Variants in WDR27 observed in about 807,000 individuals in gnomAD.
WDR27 encodes WD repeat-containing protein 27.
Under a neutral mutation model 114.4 loss-of-function variants are expected in WDR27, and 100 were observed. The observed-to-expected ratio is 0.87, with a 90% CI of 0.74 to 1.03. The LOEUF is 1.03. WDR27 is among the 50% of genes least tolerant of loss of function. The pLI is 0.00. For synonymous variants in WDR27, 449 were observed against 423.1 expected (o/e 1.06, Z -0.75); for missense variants, 1,129 against 1,092.9 (o/e 1.03, Z -0.47).
intron 22 of WDR27, among the ~76,000 whole-genome samples, chr6:169,612,873 C>T (rs1433304785): frequency 6.6e-6 from 1 of 152,142 alleles, no homozygotes; most frequent in Non-Finnish European, 1.5e-5. Context: ...AACATGATTG[C>T]TCATACAGAT....
intron 2 of WDR27, among the ~76,000 whole-genome samples, chr6:169,679,901 T>C (rs932929099): frequency 5.3e-5 from 8 of 152,090 alleles, no homozygotes; most frequent in African/African-American, 1.9e-4. Flanking sequence ...ATTGGTAACA[T>C]AGGAAGTTTT....
At chr6:169,453,085 C>G (rs1784221153), downstream of WDR27, among the ~76,000 whole-genome samples, 1 of 152,210 alleles carries the variant, frequency 6.6e-6, no homozygotes, top group African/African-American at 2.4e-5. Flanking sequence ...GAACAGTACC[C>G]AGCACACTTG....
chr6:169,463,036 T>C (rs1196398407), intron 25 of WDR27, among the ~76,000 whole-genome samples: 2 of 152,188 alleles, frequency 1.3e-5, no homozygotes, highest in Non-Finnish European at 2.9e-5. Flanking sequence ...GGGTAACTTA[T>C]AAACAAGCAA....
At position 169,672,315 on chromosome 6, in the gene WDR27, C is replaced by T. The variant is rs1200092713; in HGVS notation, c.271G>A (p.Ala91Thr). The part of the protein sequence containing the change: ...NKVNPLLICS[A>T]SLDYVIMWNL... ...CACATTATAACATAATCCAGTGATG[C>T]TGAGCAGATTAGAAGTGGGTTCACT... The change falls in exon 3 of 26, where the codon GCA becomes ACA. Residue 91 changes from alanine (A) to threonine (T), a missense_variant. Ala to Thr is a moderately conservative substitution (Grantham distance 58). Coordinates refer to ENST00000448612, the MANE Select transcript of WDR27 (RefSeq NM_182552.5). The T allele has an allele frequency of 1.2e-6, 2 of 1,613,620 alleles. No individual in the cohort carries two copies. The highest frequency in any genetic ancestry group is 1.6e-4 in the Middle Eastern group (1 of 6,082).
intron 25 of WDR27, among the ~76,000 whole-genome samples, chr6:169,543,136 G>A (rs948595564): frequency 6.6e-6 from 1 of 151,488 alleles, no homozygotes; most frequent in African/African-American, 2.4e-5. Flanking sequence ...ATTTAATCTG[G>A]GTAAAATATA....
intron 2 of WDR27, 93 bp from the exon 3 acceptor site, chr6:169,672,489 G>A (rs1224494286): frequency 2.4e-6 from 3 of 1,273,626 alleles, no homozygotes; most frequent in Non-Finnish European, 3.1e-6. Flanking sequence ...TTAAAAGATT[G>A]AGTTTTTCAA....
At chr6:169,626,178 C>T (rs777166256) in intron 21 of WDR27, among the ~76,000 whole-genome samples, 8 of 152,158 alleles carry the variant, frequency 5.3e-5, no homozygotes, top group Non-Finnish European at 1.0e-4. Flanking sequence ...GACAAGCCCG[C>T]GGGGACAGCT....
At position 169,658,243 on chromosome 6, in the gene WDR27, G is replaced by C. The variant is rs1178931845; in HGVS notation, c.1402+33C>G. 4.5e-6 allele frequency: 7 copies of C among 1,546,556 alleles called. No individual in the cohort carries two copies. The East Asian group carries it at 1.2e-4, about 26-fold the overall frequency. ...ACCACAATGAGAACGCATCAGCCTT[G>C]TATTCTTAGATCTCACAGCACCCTG... On this transcript the variant is annotated intron_variant, in intron 13 of 25. Transcript: ENST00000448612.
chr6:169,654,347 A>G (rs1172101111), intron 13 of WDR27, among the ~76,000 whole-genome samples: 1 of 152,246 alleles, frequency 6.6e-6, no homozygotes, highest in African/African-American at 2.4e-5. Flanking sequence ...AAACTCAGAA[A>G]GTTCCTGAGA....
At chr6:169,607,442 C>A (rs1287525701) in intron 22 of WDR27, among the ~76,000 whole-genome samples, 1 of 149,650 alleles carries the variant, frequency 6.7e-6, no homozygotes, top group Non-Finnish European at 1.5e-5. Context: ...TAATATTATT[C>A]AGCCATGAAA....
At chr6:169,691,240 T>C (rs1020910223) in intron 1 of WDR27, among the ~76,000 whole-genome samples, 1 of 152,070 alleles carries the variant, frequency 6.6e-6, no homozygotes, top group Non-Finnish European at 1.5e-5. Context: ...AATTAAATTT[T>C]AAAAAAACGT....
At chr6:169,583,993 T>C (rs1804073470) in intron 23 of WDR27, among the ~76,000 whole-genome samples, 1 of 152,188 alleles carries the variant, frequency 6.6e-6, no homozygotes. Context: ...GCACTCATGT[T>C]GCACGTTAGA....
chr6:169,517,539 A>G (rs1464023829), intron 25 of WDR27, among the ~76,000 whole-genome samples: 1 of 152,236 alleles, frequency 6.6e-6, no homozygotes, highest in East Asian at 1.9e-4. Flanking sequence ...CAACAAAAAT[A>G]CATTTATGCT....
intron 21 of WDR27, among the ~76,000 whole-genome samples, chr6:169,623,051 T>C (rs1813753280): frequency 1.3e-5 from 2 of 151,966 alleles, no homozygotes; most frequent in Non-Finnish European, 2.9e-5. Context: ...TCTGACCACC[T>C]CCCCCACCCC....
At chr6:169,633,145 T>C in intron 20 of WDR27, 77 bp from the exon 21 acceptor site, 1 of 1,409,250 alleles carries the variant, frequency 7.1e-7, no homozygotes, top group East Asian at 2.5e-5. Context: ...CTTTTACTAA[T>C]AAAAACTTTG....
intron 25 of WDR27, among the ~76,000 whole-genome samples, chr6:169,538,958 A>C (rs915422784): frequency 6.6e-6 from 1 of 152,172 alleles, no homozygotes; most frequent in Non-Finnish European, 1.5e-5. Flanking sequence ...TTAATTAAGG[A>C]AACATAGCTC....
intron 17 of WDR27, among the ~76,000 whole-genome samples, chr6:169,642,456 A>T: frequency 6.6e-6 from 1 of 152,206 alleles, no homozygotes; most frequent in Non-Finnish European, 1.5e-5. Context: ...TCAACTATTC[A>T]GCCACGAAAG....
intron 25 of WDR27, among the ~76,000 whole-genome samples, chr6:169,542,860 AAAGT>A (rs1256750884): frequency 6.6e-6 from 1 of 152,098 alleles, no homozygotes; most frequent in Non-Finnish European, 1.5e-5. Flanking sequence ...TATTTTAAAT[AAAGT>A]AATTTAATTT....
intron 3 of WDR27, 36 bp from the exon 4 acceptor site, chr6:169,670,729 A>C (rs545068900): frequency 6.2e-7 from 1 of 1,611,940 alleles, no homozygotes; most frequent in African/African-American, 1.3e-5. Flanking sequence ...CAGTTTACCA[A>C]ATGCATTCAG....
Sources: gnomAD v4.1 joint callset for allele counts (sites outside exome capture counted in the v4.1 genomes callset) on GRCh38, gnomAD v4.1.1 for gene constraint, MANE v1.5 for transcripts, NCBI Gene and HGNC (gene_info 2026-07-23, HGNC 2026-07-21) for gene names.